Variants in UTP25 observed in about 807,000 individuals in gnomAD.
UTP25 encodes UTP25 small subunit processome component.
UTP25 carries 50 observed loss-of-function variants against 78.9 expected under a neutral mutation model. The observed-to-expected ratio is 0.63, with a 90% CI of 0.50 to 0.80. UTP25 has a LOEUF of 0.80. Among genes scored for constraint, UTP25 ranks in the 30% least tolerant of loss-of-function variants. UTP25 has a pLI of 0.00. For missense variants in UTP25, 846 were observed against 911.3 expected, an observed-to-expected ratio of 0.93 and a Z score of 0.92; for synonymous variants, 329 against 336.5, an observed-to-expected ratio of 0.98 and a Z score of 0.24.
chr1:209,850,420 A>G (rs17015379), intron 11 of UTP25, among the ~76,000 whole-genome samples: 25,347 of 152,260 alleles, frequency 0.17, 2,242 homozygotes, highest in South Asian at 0.23. Flanking sequence ...TGAAAGAAAT[A>G]AAATCCCCAA....
In UTP25 at chr1:209,856,130, C is replaced by G. The variant is rs1196576452; in HGVS notation, c.*4683C>G. On this transcript the variant is annotated 3_prime_UTR_variant, in exon 12 of 12. Transcript: ENST00000491415. Reference sequence around the variant, plus strand: ...TTCTGTGGCTCTAAACAAGTCCTCACGACCACTTCTCAGTTTTCTCATCTT... The same window carrying G: ...TTCTGTGGCTCTAAACAAGTCCTCAGGACCACTTCTCAGTTTTCTCATCTT... The G allele has an allele frequency of 2.0e-5, 3 of 152,244 alleles. No individual in the cohort carries two copies. The highest frequency in any genetic ancestry group is 2.1e-4 in the South Asian group (1 of 4,826). The allele number at this position is 152,244 out of a possible 1,614,324, so 9.4% of individuals were successfully genotyped here. A position where few individuals can be genotyped will look rare whatever the true frequency, so the allele number is the denominator to read the frequency against.
At position 209,840,976 on chromosome 1, in the gene UTP25, T is replaced by C; in HGVS notation, c.1406T>C (p.Phe469Ser). Residue 469 changes from phenylalanine (F) to serine (S), a missense_variant, in exon 8 of 12, where the codon TTT becomes TCT. Physicochemically the swap from Phe to Ser is radical, Grantham distance 155. Coordinates refer to ENST00000491415, the MANE Select transcript of UTP25 (RefSeq NM_014388.7). ...IGGEGEKKRD[F>S]DFLSSIELLI... ...GGAGAAGGAGAGAAGAAGAGAGATT[T>C]TGACTTTCTGTCTTCTATCGAGCTT... 6.2e-7 allele frequency: 1 copy of C among 1,614,116 alleles called. No individual in the cohort carries two copies. Among genetic ancestry groups the C allele is most frequent in the Non-Finnish European group, 8.5e-7 (1 of 1,179,970 alleles).
rs779791957 is a variant in UTP25, at chr1:209,828,036, G to A, written c.-28G>A. ...TTCCTGGTGGAAAACCGCGACTCTTGCAAGTGGGCAAACTTGACGTTTTCG... is the reference window on the plus strand; with the variant it reads ...TTCCTGGTGGAAAACCGCGACTCTTACAAGTGGGCAAACTTGACGTTTTCG... On this transcript the variant is annotated 5_prime_UTR_variant, in exon 1 of 12. Coordinates refer to ENST00000491415, the MANE Select transcript of UTP25 (RefSeq NM_014388.7). 1 of 1,591,364 alleles carries A rather than the reference G, an allele frequency of 6.3e-7. No individual in the cohort carries two copies. The highest frequency in any genetic ancestry group is 8.6e-7 in the Non-Finnish European group (1 of 1,159,452).
chr1:209,831,890 G>C (rs1266885709), intron 3 of UTP25, among the ~76,000 whole-genome samples: 1 of 152,018 alleles, frequency 6.6e-6, no homozygotes, highest in African/African-American at 2.4e-5. Context: ...GCATGTATTA[G>C]TCACTTACTA....
At chr1:209,835,029 C>T (rs41274838) in intron 4 of UTP25, 46 bp from the exon 5 acceptor site, 275,939 of 1,483,402 alleles carry the variant, frequency 0.19, 27,642 homozygotes, top group Non-Finnish European at 0.2. Context: ...CCACAAAACC[C>T]CTCTGTAGTT....
At chr1:209,841,145 G>A in intron 8 of UTP25, 90 bp downstream of exon 8, 1 of 1,381,988 alleles carries the variant, frequency 7.2e-7, no homozygotes, top group Non-Finnish European at 1.0e-6. Context: ...AATTATTTAA[G>A]TCCAGATTAG....
rs1023735997 is a variant in UTP25, at chr1:209,843,595, C to T, written c.1926C>T (p.Cys642=). The T allele has an allele frequency of 5.6e-6, 9 of 1,614,016 alleles. No individual in the cohort carries two copies. The highest frequency in any genetic ancestry group is 5.3e-5 in the African/African-American group (4 of 74,914). Residue 642 remains cysteine, a synonymous_variant, in exon 11 of 12, where the codon TGC becomes TGT. Coordinates refer to ENST00000491415, the MANE Select transcript of UTP25 (RefSeq NM_014388.7). ...AGGAATTGAATTTTACCCACATCTG[C>T]GAGTACACGCAGAAGTCTGGTGTCT... ...KKEELNFTHI[C]EYTQKSGVSR...
rs1296491883 is a variant in UTP25, at chr1:209,838,183, A to G, written c.1063-726A>G. On this transcript the variant is annotated intron_variant, in intron 6 of 11. Coordinates refer to ENST00000491415, the MANE Select transcript of UTP25 (RefSeq NM_014388.7). ...TAGAAGAATAAGAGGCAGATTATCT[A>G]TGAAACATATTATAATTTGGTGAAT... is the stretch of plus-strand genomic sequence containing the variant. Among the ~76,000 whole-genome samples the G allele has an allele frequency of 5.3e-5, 8 of 152,248 alleles. No individual in the cohort carries two copies. In the South Asian group the frequency reaches 6.2e-4, roughly 12 times the overall value.
rs569485844 is a variant in UTP25, at chr1:209,853,490, G to A, written c.*2043G>A. On this transcript the variant is annotated 3_prime_UTR_variant, in exon 12 of 12. Transcript: ENST00000491415. The stretch of plus-strand genomic sequence containing the variant: ...TCGTGCCTCCGCCTCCCAAGTAGCT[G>A]GGACTACAGGCGCATGCCACCATGC... 1 of 152,124 alleles carries A rather than the reference G, an allele frequency of 6.6e-6. No individual in the cohort carries two copies. Among genetic ancestry groups the A allele is most frequent in the African/African-American group, 2.4e-5 (1 of 41,476 alleles). The allele number at this position is 152,124 out of a possible 1,614,324, so 9.4% of individuals were successfully genotyped here.
intron 6 of UTP25, 22 bp from the exon 7 acceptor site, chr1:209,838,887 G>C (rs780415427): frequency 1.2e-6 from 2 of 1,612,852 alleles, no homozygotes; most frequent in Non-Finnish European, 1.7e-6. Context: ...CCCCACTAAG[G>C]CTGCTGTTGC....
chr1:209,833,067 C>A, intron 3 of UTP25, 118 bp from the exon 4 acceptor site: 1 of 982,854 alleles, frequency 1.0e-6, no homozygotes, highest in Non-Finnish European at 1.4e-6. Context: ...CTGAATTTAC[C>A]TAAATATAAA....
In UTP25 at chr1:209,828,283, C is replaced by T. The variant is rs1224500811; in HGVS notation, c.107+113C>T. On this transcript the variant is annotated intron_variant, in intron 1 of 11. Transcript: ENST00000491415. ...CCTTTTCCCACTATTCCCTGGCTCC[C>T]GCTGTGCTCGGCCGGGGAGATTCTG... 7 of 787,378 alleles carry T rather than the reference C, an allele frequency of 8.9e-6. No homozygotes were observed. The Admixed American group carries it at 1.7e-4, about 19-fold the overall frequency. 48.8% of individuals were successfully genotyped at this position (787,378 alleles called of 1,614,324 possible). A position where few individuals can be genotyped will look rare whatever the true frequency, so the allele number is the denominator to read the frequency against.
At chr1:209,849,063 G>C (rs547423996) in intron 11 of UTP25, among the ~76,000 whole-genome samples, 10 of 152,070 alleles carry the variant, frequency 6.6e-5, no homozygotes, top group African/African-American at 2.4e-4. Flanking sequence ...CCAGAGGAGG[G>C]TCTCACTCCA....
chr1:209,829,986 G>T, intron 1 of UTP25, 122 bp from the exon 2 acceptor site: 1 of 809,320 alleles, frequency 1.2e-6, no homozygotes, highest in Non-Finnish European at 1.9e-6. Flanking sequence ...ATTTTTGCAT[G>T]ACTATATCTA....
At chr1:209,828,198 A>C (rs12404886) in intron 1 of UTP25, 28 bp downstream of exon 1, 6 of 1,562,796 alleles carry the variant, frequency 3.8e-6, no homozygotes, top group Admixed American at 1.7e-5. Context: ...AGGGCTCCCC[A>C]GTCGCCAGAG....
At chr1:209,843,234 A>C (rs2078177403) in intron 10 of UTP25, 1 of 591,256 alleles carries the variant, frequency 1.7e-6, no homozygotes, top group African/African-American at 1.9e-5. Flanking sequence ...ATGGTATTAC[A>C]TCTGTTTTTT....
intron 11 of UTP25, 61 bp downstream of exon 11, chr1:209,843,757 C>T (rs2078180817): frequency 3.2e-6 from 5 of 1,569,136 alleles, no homozygotes; most frequent in Non-Finnish European, 4.3e-6. Flanking sequence ...CAAATCATGG[C>T]CTGCTCTGAA....
At chr1:209,845,331 A>T (rs1046890937) in intron 11 of UTP25, among the ~76,000 whole-genome samples, 2 of 152,144 alleles carry the variant, frequency 1.3e-5, no homozygotes, top group African/African-American at 4.8e-5. Context: ...TTCATGTTGG[A>T]AAGTATTTGG....
rs1436621430 is a variant in UTP25 at position 209,853,048 on chromosome 1, A to C, written c.*1601A>C. ...ACGCTTAAAATTACTTAGCAAAAAC[A>C]AAAAGTAAAATCAGTTTTGAAGTAA... On this transcript the variant is annotated 3_prime_UTR_variant, in exon 12 of 12. Transcript: ENST00000491415. The C allele has an allele frequency of 6.6e-6, 1 of 152,208 alleles. No individual in the cohort carries two copies. The highest frequency in any genetic ancestry group is 2.1e-4 in the South Asian group (1 of 4,830). The allele number at this position is 152,208 out of a possible 1,614,324, so 9.4% of individuals were successfully genotyped here.
Sources: gnomAD v4.1 joint callset for allele counts (sites outside exome capture counted in the v4.1 genomes callset) on GRCh38, gnomAD v4.1.1 for gene constraint, MANE v1.5 for transcripts, NCBI Gene and HGNC (gene_info 2026-07-23, HGNC 2026-07-21) for gene names.